The following ELOVL6 variants were observed in gnomAD, a reference collection of about 807,000 sequenced individuals.
The protein encoded by ELOVL6 is ELOVL fatty acid elongase 6.
ELOVL6 carries 8 observed loss-of-function variants against 31.7 expected under a neutral mutation model. The ratio of observed to expected loss-of-function variants is 0.25; its 90% CI spans 0.15 to 0.45. The LOEUF (loss-of-function observed/expected upper bound fraction) is 0.45. ELOVL6 is among the 20% of genes least tolerant of loss of function. The pLI, the probability that ELOVL6 is intolerant of heterozygous loss-of-function variation, is 1.00. For missense variants in ELOVL6, 126 were observed against 326.4 expected (o/e 0.39, Z 4.73); for synonymous variants, 101 against 117.7 (o/e 0.86, Z 0.92).
intron 1 of ELOVL6, among the ~76,000 whole-genome samples, chr4:110,154,331 C>T (rs1211806161): frequency 6.6e-6 from 1 of 152,198 alleles, no homozygotes; most frequent in Non-Finnish European, 1.5e-5. Context: ...TATCAGCTCA[C>T]TGCAGCCTCC....
chr4:110,101,645 C>T (rs961201756), intron 2 of ELOVL6, among the ~76,000 whole-genome samples: 5 of 152,072 alleles, frequency 3.3e-5, no homozygotes, highest in African/African-American at 1.2e-4. Context: ...TGTACAAATG[C>T]TGAAATTTTT....
intron 1 of ELOVL6, among the ~76,000 whole-genome samples, chr4:110,154,746 T>C (rs770367479): frequency 3.9e-5 from 6 of 152,226 alleles, no homozygotes; most frequent in Non-Finnish European, 4.4e-5. Context: ...AGAAGATGGC[T>C]TGGTGCTACA....
chr4:110,095,651 T>C (rs1207033072), intron 2 of ELOVL6, among the ~76,000 whole-genome samples: 2 of 152,128 alleles, frequency 1.3e-5, no homozygotes, highest in Non-Finnish European at 2.9e-5. Context: ...GAGGTTTTAA[T>C]GTATAAGCAA....
intron 1 of ELOVL6, among the ~76,000 whole-genome samples, chr4:110,140,015 TTATC>T (rs1042870814): frequency 5.3e-5 from 8 of 152,162 alleles, no homozygotes; most frequent in African/African-American, 1.9e-4. Flanking sequence ...CATGTGGTGA[TTATC>T]TATGACTTCC....
chr4:110,109,286 T>C (rs540756585), intron 1 of ELOVL6, among the ~76,000 whole-genome samples: 17 of 152,334 alleles, frequency 1.1e-4, no homozygotes, highest in African/African-American at 3.8e-4. Flanking sequence ...ATGTGCATCA[T>C]ATAGCACAAC....
intron 2 of ELOVL6, among the ~76,000 whole-genome samples, chr4:110,083,986 ACG>A (rs1755997968): frequency 6.6e-5 from 4 of 60,268 alleles, no homozygotes; most frequent in Non-Finnish European, 1.3e-4. Context: ...TATGCCATAT[ACG>A]ATATATAACA....
intron 1 of ELOVL6, among the ~76,000 whole-genome samples, chr4:110,194,805 T>A (rs1759724779): frequency 6.6e-6 from 1 of 152,256 alleles, no homozygotes; most frequent in Admixed American, 6.5e-5. Context: ...GGCAGCATAC[T>A]GGCAAAATAC....
intron 1 of ELOVL6, among the ~76,000 whole-genome samples, chr4:110,190,630 G>A (rs1002674923): frequency 2.0e-4 from 30 of 152,066 alleles, no homozygotes; most frequent in Non-Finnish European, 3.8e-4. Context: ...TCAGCCCCTG[G>A]AGTAGCTGGG....
chr4:110,119,654 CCA>C (rs1252884365), intron 1 of ELOVL6, among the ~76,000 whole-genome samples: 2 of 152,062 alleles, frequency 1.3e-5, no homozygotes, highest in African/African-American at 4.8e-5. Flanking sequence ...ACATCATTTC[CCA>C]CAGACTTTCA....
intron 1 of ELOVL6, among the ~76,000 whole-genome samples, chr4:110,179,949 C>T (rs150824804): frequency 4.8e-4 from 73 of 152,372 alleles, no homozygotes; most frequent in African/African-American, 1.8e-3. Flanking sequence ...ACTCCCTATT[C>T]CTCATCCCTC....
At chr4:110,193,949 T>C (rs1364770640) in intron 1 of ELOVL6, among the ~76,000 whole-genome samples, 1 of 152,228 alleles carries the variant, frequency 6.6e-6, no homozygotes, top group Non-Finnish European at 1.5e-5. Flanking sequence ...ACAGGCCTCC[T>C]GCTTTCCTAT....
At position 110,138,032 on chromosome 4, in the gene ELOVL6, C is replaced by T. The variant is rs376533127; in HGVS notation, c.90-32404G>A. ...AGTGAGTCCAATTCTTTCTTCCACC[C>T]ACAGCTTCTGCTAAAGTCATTACAG... On this transcript the variant is annotated intron_variant, in intron 1 of 3. Transcript: ENST00000302274. 9.2e-5 allele frequency among the ~76,000 whole-genome samples: 14 copies of T among 152,306 alleles called. No individual in the cohort carries two copies. In the South Asian group the frequency reaches 2.3e-3, roughly 25 times the overall value.
At chr4:110,151,674 T>C (rs569482320) in intron 1 of ELOVL6, among the ~76,000 whole-genome samples, 45 of 152,290 alleles carry the variant, frequency 3.0e-4, no homozygotes, top group African/African-American at 9.4e-4. Flanking sequence ...GAGACAGCAT[T>C]TGTGGGCCAT....
chr4:110,064,314 A>G (rs1755235648), intron 2 of ELOVL6, among the ~76,000 whole-genome samples: 1 of 151,972 alleles, frequency 6.6e-6, no homozygotes, highest in Admixed American at 6.6e-5. Context: ...TTCCTAATCC[A>G]CAAGGAGCCT....
chr4:110,076,879 T>A (rs1359039672), intron 2 of ELOVL6, among the ~76,000 whole-genome samples: 4 of 152,084 alleles, frequency 2.6e-5, no homozygotes, highest in Admixed American at 6.6e-5. Context: ...ATCGGGTCAC[T>A]CCCACCCTAA....
intron 1 of ELOVL6, among the ~76,000 whole-genome samples, chr4:110,145,697 TA>T (rs34563907): frequency 0.15 from 22,568 of 149,974 alleles, 2,697 homozygotes; most frequent in African/African-American, 0.32. Context: ...AGAGACTGTC[TA>T]AAAAAAAAAA....
chr4:110,155,072 A>T (rs1270351409), intron 1 of ELOVL6, among the ~76,000 whole-genome samples: 1 of 152,218 alleles, frequency 6.6e-6, no homozygotes, highest in Non-Finnish European at 1.5e-5. Flanking sequence ...CATAGCATAT[A>T]CTGCTATTAT....
At chr4:110,120,432 T>C (rs879424990) in intron 1 of ELOVL6, among the ~76,000 whole-genome samples, 2 of 151,972 alleles carry the variant, frequency 1.3e-5, no homozygotes, top group Non-Finnish European at 2.9e-5. Flanking sequence ...ATTTGAGGAA[T>C]TCTAGATGTC....
chr4:110,167,027 T>A (rs1037325998), intron 1 of ELOVL6, among the ~76,000 whole-genome samples: 1 of 152,176 alleles, frequency 6.6e-6, no homozygotes, highest in African/African-American at 2.4e-5. Context: ...TGCCTTCTAT[T>A]TCTTTGTCTT....
Sources: allele counts gnomAD v4.1 joint callset (sites outside exome capture counted in the v4.1 genomes callset), GRCh38; gene constraint gnomAD v4.1.1; transcripts MANE v1.5; gene names NCBI Gene and HGNC (gene_info 2026-07-23, HGNC 2026-07-21).